The following PTPRZ1 variants were observed in gnomAD, a reference collection of about 807,000 sequenced individuals.
PTPRZ1 encodes protein tyrosine phosphatase receptor type Z1.
In PTPRZ1, 82 loss-of-function variants were observed where a neutral mutation model predicts 214.1. The ratio of observed to expected loss-of-function variants is 0.38; its 90% CI spans 0.32 to 0.46. The LOEUF (loss-of-function observed/expected upper bound fraction) is 0.46. Among genes scored for constraint, PTPRZ1 ranks in the 20% least tolerant of loss-of-function variants. The pLI, the probability that PTPRZ1 is intolerant of heterozygous loss-of-function variation, is 1.00. For missense variants in PTPRZ1, 2,603 were observed against 2,748.7 expected (o/e 0.95, Z 1.19); for synonymous variants, 945 against 987.9 (o/e 0.96, Z 0.81).
chr7:122,052,255 A>G (rs1298401497), intron 25 of PTPRZ1, among the ~76,000 whole-genome samples: 1 of 152,178 alleles, frequency 6.6e-6, no homozygotes, highest in African/African-American at 2.4e-5. Flanking sequence ...CTAAGGCAGA[A>G]CCCCTGAGCA....
chr7:121,972,357 G>A (rs538416291), intron 3 of PTPRZ1, among the ~76,000 whole-genome samples, 184 bp from the exon 4 acceptor site: 7 of 152,164 alleles, frequency 4.6e-5, no homozygotes, highest in Admixed American at 3.9e-4. Flanking sequence ...TTGCATTTGT[G>A]GCAATAAGAT....
chr7:121,904,540 T>A (rs1795063712), intron 1 of PTPRZ1, among the ~76,000 whole-genome samples: 1 of 152,186 alleles, frequency 6.6e-6, no homozygotes, highest in Admixed American at 6.5e-5. Context: ...AGTTTTTAAT[T>A]TTTGATCTTT....
chr7:121,876,442 G>A (rs2116135428), intron 1 of PTPRZ1, among the ~76,000 whole-genome samples: 1 of 152,260 alleles, frequency 6.6e-6, no homozygotes, highest in East Asian at 1.9e-4. Flanking sequence ...TAATGAATCA[G>A]ATTCTGTACT....
chr7:121,915,084 A>G (rs868049239), intron 1 of PTPRZ1, among the ~76,000 whole-genome samples: 3 of 152,176 alleles, frequency 2.0e-5, no homozygotes, highest in Admixed American at 6.5e-5. Context: ...GCACCGCCGT[A>G]TACTGCACAC....
At chr7:121,923,411 C>T (rs1795659015) in intron 1 of PTPRZ1, among the ~76,000 whole-genome samples, 1 of 152,120 alleles carries the variant, frequency 6.6e-6, no homozygotes, top group Admixed American at 6.5e-5. Context: ...AAACTTAGAT[C>T]TGTGGTTATT....
intron 13 of PTPRZ1, among the ~76,000 whole-genome samples, chr7:122,019,484 C>T (rs1798951785): frequency 6.6e-6 from 1 of 152,146 alleles, no homozygotes; most frequent in Non-Finnish European, 1.5e-5. Flanking sequence ...AACTTTTACC[C>T]GTTACTATTT....
At chr7:121,988,935 A>T (rs923352359) in intron 8 of PTPRZ1, among the ~76,000 whole-genome samples, 2 of 152,216 alleles carry the variant, frequency 1.3e-5, no homozygotes, top group Non-Finnish European at 2.9e-5. Flanking sequence ...AAAATTAAAG[A>T]TCATTCCAGG....
intron 27 of PTPRZ1, among the ~76,000 whole-genome samples, chr7:122,057,447 A>G (rs1417145480): frequency 3.3e-5 from 5 of 151,792 alleles, no homozygotes; most frequent in African/African-American, 4.8e-5. Context: ...ATATTTTTAT[A>G]TAAATTAATT....
chr7:121,922,759 CTGA>C (rs1795637873), intron 1 of PTPRZ1, among the ~76,000 whole-genome samples: 1 of 152,168 alleles, frequency 6.6e-6, no homozygotes, highest in Non-Finnish European at 1.5e-5. Flanking sequence ...GATAACCACT[CTGA>C]TGACAGTATA....
chr7:121,955,955 T>A (rs1326778033), intron 2 of PTPRZ1, among the ~76,000 whole-genome samples: 1 of 152,186 alleles, frequency 6.6e-6, no homozygotes. Flanking sequence ...TAATTTAAAG[T>A]GAAAGATAGG....
intron 13 of PTPRZ1, among the ~76,000 whole-genome samples, chr7:122,027,149 G>C (rs1799226801): frequency 6.6e-6 from 1 of 152,168 alleles, no homozygotes; most frequent in African/African-American, 2.4e-5. Context: ...AACTCAGAGG[G>C]AGCGGCATTT....
At chr7:121,977,066 A>G (rs535559767) in intron 6 of PTPRZ1, among the ~76,000 whole-genome samples, 3 of 152,366 alleles carry the variant, frequency 2.0e-5, no homozygotes, top group South Asian at 2.1e-4. Context: ...AGCATGAAAC[A>G]TTAATGTAAG....
intron 10 of PTPRZ1, among the ~76,000 whole-genome samples, chr7:121,999,702 A>C (rs1021741435): frequency 4.6e-5 from 7 of 152,164 alleles, no homozygotes; most frequent in African/African-American, 1.7e-4. Context: ...CCAAAGCTTT[A>C]AACTTTCTGA....
At chr7:122,023,473 ATATATATAATTT>A (rs1221926071) in intron 13 of PTPRZ1, among the ~76,000 whole-genome samples, 4 of 140,384 alleles carry the variant, frequency 2.8e-5, no homozygotes, top group South Asian at 2.1e-4. Context: ...GGATTTATAT[ATATATATAATTT>A]TATATATAAT....
At chr7:121,911,378 A>G (rs148191259) in intron 1 of PTPRZ1, among the ~76,000 whole-genome samples, 1 of 152,266 alleles carries the variant, frequency 6.6e-6, no homozygotes, top group East Asian at 1.9e-4. Context: ...GAAAATACTG[A>G]TGACAGAGTA....
chr7:122,016,883 T>C (rs2116676617), intron 12 of PTPRZ1, among the ~76,000 whole-genome samples: 1 of 152,226 alleles, frequency 6.6e-6, no homozygotes, highest in South Asian at 2.1e-4. Context: ...TCTCAAACTT[T>C]AACATAGATC....
At position 121,887,140 on chromosome 7, in the gene PTPRZ1, G is replaced by A. The variant is rs542006131; in HGVS notation, c.58+13583G>A. On this transcript the variant is annotated intron_variant, in intron 1 of 29. Transcript: ENST00000393386. ...TGATGGCACAGCACTCACATTGCGT[G>A]TCTGTTGTTTCCATGACTGTATCTT... is the stretch of plus-strand genomic sequence containing the variant. Among the ~76,000 whole-genome samples the A allele has an allele frequency of 2.0e-4, 31 of 152,238 alleles. 1 individual carries two copies. The South Asian group carries it at 6.2e-3, about 31-fold the overall frequency.
At position 121,878,344 on chromosome 7, in the gene PTPRZ1, T is replaced by G. The variant is rs375181016; in HGVS notation, c.58+4787T>G. Among the ~76,000 whole-genome samples, 7 of 152,178 alleles carry G rather than the reference T, an allele frequency of 4.6e-5. No individual in the cohort carries two copies. The East Asian group carries it at 5.8e-4, about 13-fold the overall frequency. ...ACATCTCCATCTGGCAGTGTTGTTTTGGAACAACAACAAAAAACGCTGGTA... is the reference window on the plus strand; with the variant it reads ...ACATCTCCATCTGGCAGTGTTGTTTGGGAACAACAACAAAAAACGCTGGTA... On this transcript the variant is annotated intron_variant, in intron 1 of 29. Coordinates refer to ENST00000393386, the MANE Select transcript of PTPRZ1 (RefSeq NM_002851.3).
At chr7:122,048,686 C>G (rs562604893) in intron 23 of PTPRZ1, among the ~76,000 whole-genome samples, 3 of 152,106 alleles carry the variant, frequency 2.0e-5, no homozygotes, top group East Asian at 3.9e-4. Flanking sequence ...TGAAAATACA[C>G]TAAAAATATA....
Sources: allele counts gnomAD v4.1 joint callset (sites outside exome capture counted in the v4.1 genomes callset), GRCh38; gene constraint gnomAD v4.1.1; transcripts MANE v1.5; gene names NCBI Gene and HGNC (gene_info 2026-07-23, HGNC 2026-07-21).